Variants in ELF1 observed in about 807,000 individuals in gnomAD.
ELF1 encodes the protein ETS-related transcription factor Elf-1.
A neutral mutation model predicts 59.9 loss-of-function variants in ELF1; 24 were observed. The ratio of observed to expected loss-of-function variants is 0.40; its 90% CI spans 0.29 to 0.56. The LOEUF (loss-of-function observed/expected upper bound fraction) is 0.56, where lower values mean the gene tolerates loss of function less well. Ranked by LOEUF, ELF1 falls within the 20% of genes least tolerant of loss-of-function variation. The pLI is 0.44. For synonymous variants in ELF1, 248 were observed against 266.2 expected, an observed-to-expected ratio of 0.93 and a Z score of 0.67; for missense variants, 627 against 742.2, an observed-to-expected ratio of 0.84 and a Z score of 1.80.
Position 40,933,277 on chromosome 13 carries a change from C to T in ELF1, c.*148G>A. 1 of 1,011,458 alleles carries T rather than the reference C, an allele frequency of 9.9e-7. No individual in the cohort carries two copies. The highest frequency in any genetic ancestry group is 3.2e-5 in the Admixed American group (1 of 31,572). The allele number at this position is 1,011,458 out of a possible 1,614,324, so 62.7% of individuals were successfully genotyped here. A position where few individuals can be genotyped will look rare whatever the true frequency, so the allele number is the denominator to read the frequency against. On this transcript the variant is annotated 3_prime_UTR_variant, in exon 9 of 9. Transcript: ENST00000239882. The stretch of plus-strand genomic sequence containing the variant: ...CAAAGAGAAACAGTTGAGTTTTCCT[C>T]CCTCATCTAACAAAGTCAAAATTAA...
chr13:40,961,866 C>G (rs1340682077), intron 2 of ELF1, among the ~76,000 whole-genome samples: 1 of 152,206 alleles, frequency 6.6e-6, no homozygotes. Flanking sequence ...AAGTCAGAGA[C>G]AGGCGTGTAA....
Position 40,943,136 on chromosome 13 carries a change from T to A in ELF1, c.622A>T (p.Ile208Phe), listed in dbSNP as rs750270245. Residue 208 changes from isoleucine (I) to phenylalanine (F), a missense_variant, in exon 7 of 9, where the codon ATT becomes TTT. By Grantham distance (21) the Ile-to-Phe change is conservative (BLOSUM62 0). Coordinates refer to ENST00000239882, the MANE Select transcript of ELF1 (RefSeq NM_172373.4). Reference sequence around the variant, plus strand: ...GCCAGTAAAAACTCCCAAAGATAAATTGTGTTTCCTGAAACAAAAACAATT... The same window carrying A: ...GCCAGTAAAAACTCCCAAAGATAAAATGTGTTTCCTGAAACAAAAACAATT... The part of the protein sequence containing the change: ...KKNKDGKGNT[I>F]YLWEFLLALL... 6.7e-7 allele frequency: 1 copy of A among 1,502,344 alleles called. No homozygotes were observed. Among genetic ancestry groups the A allele is most frequent in the African/African-American group, 1.4e-5 (1 of 71,906 alleles). 93.1% of individuals were successfully genotyped at this position (1,502,344 alleles called of 1,614,324 possible). A position where few individuals can be genotyped will look rare whatever the true frequency, so the allele number is the denominator to read the frequency against.
chr13:40,974,781 A>T (rs534646341), intron 2 of ELF1, among the ~76,000 whole-genome samples: 2 of 152,312 alleles, frequency 1.3e-5, no homozygotes, highest in East Asian at 3.9e-4. Context: ...CCTCTTTCAT[A>T]ACAACTATCA....
chr13:41,015,275 GGGGT>G (rs1335757217), intron 1 of ELF1, among the ~76,000 whole-genome samples: 1 of 152,000 alleles, frequency 6.6e-6, no homozygotes, highest in Non-Finnish European at 1.5e-5. Flanking sequence ...GTAGGTTTCG[GGGGT>G]GGATCAGAGA....
chr13:40,953,318 T>G (rs1213741103), intron 3 of ELF1, among the ~76,000 whole-genome samples: 1 of 152,150 alleles, frequency 6.6e-6, no homozygotes, highest in Non-Finnish European at 1.5e-5. Context: ...CTGAATGGTA[T>G]CCCCCAAAAT....
intron 2 of ELF1, among the ~76,000 whole-genome samples, chr13:40,959,351 C>T (rs529045296): frequency 6.6e-6 from 1 of 152,108 alleles, no homozygotes; most frequent in East Asian, 1.9e-4. Context: ...CAAAAATTAG[C>T]TGGGCACGGT....
At chr13:40,974,103 A>G (rs1872756170) in intron 2 of ELF1, among the ~76,000 whole-genome samples, 1 of 152,212 alleles carries the variant, frequency 6.6e-6, no homozygotes, top group Non-Finnish European at 1.5e-5. Flanking sequence ...TTATGGAGAC[A>G]GACATACAAT....
At position 40,943,113 on chromosome 13, in the gene ELF1, C is replaced by A; in HGVS notation, c.645G>T (p.Leu215=). 2 of 1,544,988 alleles carry A rather than the reference C, an allele frequency of 1.3e-6. No homozygotes were observed. The highest frequency in any genetic ancestry group is 1.8e-6 in the Non-Finnish European group (2 of 1,142,840). The part of the protein sequence containing the change: ...GNTIYLWEFL[L]ALLQDKATCP... ...AAGTAGCCTTGTCCTGGAGCAGTGCCAGTAAAAACTCCCAAAGATAAATTG... is the reference window on the plus strand; with the variant it reads ...AAGTAGCCTTGTCCTGGAGCAGTGCAAGTAAAAACTCCCAAAGATAAATTG... The change falls in exon 7 of 9, where the codon CTG becomes CTT. Residue 215 remains leucine (L), a synonymous_variant. Coordinates refer to ENST00000239882, the MANE Select transcript of ELF1 (RefSeq NM_172373.4).
intron 3 of ELF1, among the ~76,000 whole-genome samples, chr13:40,954,433 CCACGG>C (rs1440437467): frequency 3.1e-5 from 2 of 64,652 alleles, no homozygotes; most frequent in South Asian, 5.3e-4. Flanking sequence ...CTCCCTCTCC[CCACGG>C]TCTCCCTCTC....
rs1340327170 is a variant in ELF1 at position 41,039,668 on chromosome 13, A to T, written c.-229+21170T>A. 2.0e-5 allele frequency among the ~76,000 whole-genome samples: 3 copies of T among 152,226 alleles called. No individual in the cohort carries two copies. In the South Asian group the frequency reaches 6.2e-4, roughly 32 times the overall value. On this transcript the variant is annotated intron_variant, in intron 1 of 1. Coordinates refer to the ELF1 transcript ENST00000405737. Reference sequence around the variant, plus strand: ...TAAGACAGTTTTTTATCTCAAAAGAAAAAAACTAAAATACTGAAACACTGC... The same window carrying T: ...TAAGACAGTTTTTTATCTCAAAAGATAAAAACTAAAATACTGAAACACTGC...
intron 3 of ELF1, among the ~76,000 whole-genome samples, chr13:40,954,397 A>T (rs1056406094): frequency 8.1e-6 from 1 of 122,910 alleles, no homozygotes; most frequent in South Asian, 2.7e-4. Context: ...TTCTCATGAG[A>T]TCTAGTGGTT....
At position 40,981,207 on chromosome 13, in the gene ELF1, T is replaced by G. The variant is rs17061697; in HGVS notation, c.72+776A>C. Among the ~76,000 whole-genome samples the G allele has an allele frequency of 5.6e-3, 860 of 152,216 alleles. 8 individuals are homozygous for G. The highest frequency in any genetic ancestry group is 0.013 in the South Asian group (65 of 4,828). ...TCTCAAAATATTTTTCCTAGTACCC[T>G]GTCTGAGTCTCTCCAACACGTACAC... is the stretch of plus-strand genomic sequence containing the variant. On this transcript the variant is annotated intron_variant, in intron 2 of 8. Transcript: ENST00000239882.
intron 1 of ELF1, among the ~76,000 whole-genome samples, chr13:41,008,261 A>T (rs1043540528): frequency 6.6e-6 from 1 of 152,216 alleles, no homozygotes. Context: ...CATGAAATGT[A>T]ATTTTTACTT....
At chr13:40,941,482 G>T in intron 7 of ELF1, 112 bp from the exon 8 acceptor site, 1 of 986,360 alleles carries the variant, frequency 1.0e-6, no homozygotes, top group Non-Finnish European at 1.5e-6. Context: ...AAACTAATGA[G>T]AAAAGAATTT....
At chr13:40,959,406 G>A (rs1871670518) in intron 2 of ELF1, among the ~76,000 whole-genome samples, 1 of 152,168 alleles carries the variant, frequency 6.6e-6, no homozygotes, top group East Asian at 1.9e-4. Flanking sequence ...TGAGGCAGGA[G>A]AATCACTTGA....
chr13:41,046,675 C>T (rs1876860981), intron 1 of ELF1, among the ~76,000 whole-genome samples: 1 of 152,190 alleles, frequency 6.6e-6, no homozygotes, highest in Admixed American at 6.5e-5. Flanking sequence ...GATGGGCTTC[C>T]CTCTGTGGGT....
chr13:40,992,279 C>T (rs1228718311), intron 1 of ELF1, among the ~76,000 whole-genome samples: 5 of 152,186 alleles, frequency 3.3e-5, no homozygotes, highest in African/African-American at 1.2e-4. Flanking sequence ...GATGTTTTTA[C>T]ACTACGCTCC....
intron 2 of ELF1, among the ~76,000 whole-genome samples, chr13:40,961,154 CTG>C (rs1197204094): frequency 2.6e-5 from 1 of 37,824 alleles, no homozygotes; most frequent in Non-Finnish European, 1.5e-4. Flanking sequence ...GACATTACTT[CTG>C]TCATAATAAT....
intron 1 of ELF1, among the ~76,000 whole-genome samples, chr13:41,008,053 A>C (rs1465082125): frequency 6.6e-6 from 1 of 152,220 alleles, no homozygotes; most frequent in African/African-American, 2.4e-5. Flanking sequence ...TTCACTTAAG[A>C]ATGTCTTTGA....
Sources: gnomAD v4.1 joint callset for allele counts (sites outside exome capture counted in the v4.1 genomes callset) on GRCh38, gnomAD v4.1.1 for gene constraint, MANE v1.5 for transcripts, NCBI Gene and HGNC (gene_info 2026-07-23, HGNC 2026-07-21) for gene names.